PRUNE2: variants seen among roughly 807,000 people sequenced by gnomAD.
PRUNE2 encodes prune homolog 2 with BCH domain, also known as protein prune homolog 2.
A neutral mutation model predicts 252.0 loss-of-function variants in PRUNE2; 164 were observed. The observed-to-expected ratio is 0.65, with a 90% CI of 0.57 to 0.74. PRUNE2 has a LOEUF of 0.74. Among genes scored for constraint, PRUNE2 ranks in the 30% least tolerant of loss-of-function variants. The probability of loss-of-function intolerance (pLI) is 0.00; values close to 1 mark genes in which losing one functional copy is unlikely to be tolerated. For missense variants in PRUNE2, 3,495 were observed against 3,711.0 expected (o/e 0.94, Z 1.51); for synonymous variants, 1,292 against 1,350.2 (o/e 0.96, Z 0.94).
chr9:76,881,196 G>C (rs1334912605), intron 1 of PRUNE2, among the ~76,000 whole-genome samples: 1 of 152,106 alleles, frequency 6.6e-6, no homozygotes. Context: ...TCGAACTCCT[G>C]ACCTCGTGAT....
intron 12 of PRUNE2, among the ~76,000 whole-genome samples, chr9:76,638,939 A>G (rs1190031985): frequency 1.3e-5 from 2 of 152,124 alleles, no homozygotes; most frequent in African/African-American, 4.8e-5. Flanking sequence ...GTTCTGTCCA[A>G]TATTTTACTA....
chr9:76,787,874 T>A (rs1051493346), intron 6 of PRUNE2, among the ~76,000 whole-genome samples: 9 of 152,188 alleles, frequency 5.9e-5, no homozygotes, highest in African/African-American at 2.2e-4. Context: ...TCCTCCCGAC[T>A]TCCTCTCCTG....
chr9:76,899,237 C>T (rs1380135389), intron 1 of PRUNE2, among the ~76,000 whole-genome samples: 1 of 152,226 alleles, frequency 6.6e-6, no homozygotes, highest in Non-Finnish European at 1.5e-5. Context: ...CTACCCAATG[C>T]AGTTTTGCAG....
intron 9 of PRUNE2, among the ~76,000 whole-genome samples, chr9:76,700,601 A>G (rs1271996254): frequency 2.0e-5 from 3 of 152,206 alleles, no homozygotes; most frequent in Non-Finnish European, 4.4e-5. Context: ...CTGTCATTAA[A>G]ACATTTTTTA....
At chr9:76,891,378 C>T (rs1482959595) in intron 1 of PRUNE2, among the ~76,000 whole-genome samples, 1 of 152,242 alleles carries the variant, frequency 6.6e-6, no homozygotes. Context: ...TGTCCCATTA[C>T]AGGCATGTCA....
chr9:76,773,713 G>A (rs1281793612), intron 6 of PRUNE2, among the ~76,000 whole-genome samples: 1 of 152,204 alleles, frequency 6.6e-6, no homozygotes, highest in East Asian at 1.9e-4. Context: ...CAAAGTGCTG[G>A]GATTACAGGC....
At chr9:76,895,183 A>T (rs1218895373) in intron 1 of PRUNE2, among the ~76,000 whole-genome samples, 2 of 152,188 alleles carry the variant, frequency 1.3e-5, no homozygotes, top group Non-Finnish European at 2.9e-5. Context: ...TTGCAAGGCC[A>T]TCAGCAGTCT....
chr9:76,800,673 T>C (rs1383443138), intron 6 of PRUNE2, among the ~76,000 whole-genome samples: 1 of 152,138 alleles, frequency 6.6e-6, no homozygotes, highest in East Asian at 1.9e-4. Flanking sequence ...AAGGAAGACA[T>C]TGCGCCCTAC....
chr9:76,780,190 T>C (rs999202657), intron 6 of PRUNE2, among the ~76,000 whole-genome samples: 9 of 152,214 alleles, frequency 5.9e-5, no homozygotes, highest in Admixed American at 2.0e-4. Flanking sequence ...TGGTTAGCGA[T>C]AGCTACATGA....
Position 76,706,548 on chromosome 9 carries a change from T to C in PRUNE2, c.5726A>G (p.Asn1909Ser). Residue 1909 changes from asparagine to serine, a missense_variant, in exon 8 of 19, where the codon AAC (asparagine) becomes AGC (serine). By Grantham distance (46) the Asn-to-Ser change is conservative (BLOSUM62 1). Transcript: ENST00000376718. ...NGKNSHEQLW[N>S]IQPRQPDPDA... Reference sequence around the variant, plus strand: ...TGGGTCTGGCTGCCTTGGTTGAATGTTCCAGAGTTGCTCATGGGAGTTCTT... The same window carrying C: ...TGGGTCTGGCTGCCTTGGTTGAATGCTCCAGAGTTGCTCATGGGAGTTCTT... 1 of 1,614,016 alleles carries C rather than the reference T, an allele frequency of 6.2e-7. No homozygotes were observed. The highest frequency in any genetic ancestry group is 1.1e-5 in the South Asian group (1 of 91,074).
At chr9:76,802,679 T>A (rs1259756302) in intron 6 of PRUNE2, among the ~76,000 whole-genome samples, 4 of 152,218 alleles carry the variant, frequency 2.6e-5, no homozygotes, top group Admixed American at 1.3e-4. Context: ...AAACAATGGA[T>A]GAGTATCAAA....
At chr9:76,797,369 G>A (rs1222297603) in intron 6 of PRUNE2, among the ~76,000 whole-genome samples, 1 of 151,958 alleles carries the variant, frequency 6.6e-6, no homozygotes, top group African/African-American at 2.4e-5. Flanking sequence ...AGTCAAGGGT[G>A]AGTTCAGCTG....
At chr9:76,839,964 C>A (rs533303911) in intron 4 of PRUNE2, among the ~76,000 whole-genome samples, 2 of 152,248 alleles carry the variant, frequency 1.3e-5, no homozygotes, top group East Asian at 3.9e-4. Context: ...TTTGGAGGTA[C>A]AAGAAACTAA....
At chr9:76,662,705 C>A (rs1192804970) in intron 9 of PRUNE2, among the ~76,000 whole-genome samples, 1 of 152,162 alleles carries the variant, frequency 6.6e-6, no homozygotes, top group Non-Finnish European at 1.5e-5. Context: ...ACAAGATTGG[C>A]CACTGAAATA....
intron 9 of PRUNE2, among the ~76,000 whole-genome samples, chr9:76,663,000 G>A (rs2039410416): frequency 6.6e-6 from 1 of 152,146 alleles, no homozygotes; most frequent in African/African-American, 2.4e-5. Flanking sequence ...ATATCAATTA[G>A]CCTATGGGCT....
chr9:76,866,949 C>T (rs1204578752), intron 1 of PRUNE2, among the ~76,000 whole-genome samples: 4 of 152,112 alleles, frequency 2.6e-5, no homozygotes, highest in African/African-American at 4.8e-5. Context: ...TTCTTGACAA[C>T]GGGTCATGTC....
intron 6 of PRUNE2, among the ~76,000 whole-genome samples, chr9:76,726,384 C>A (rs137880752): frequency 3.3e-5 from 5 of 152,164 alleles, no homozygotes; most frequent in African/African-American, 1.2e-4. Context: ...AGGTGTAACA[C>A]GCATACACAG....
intron 6 of PRUNE2, chr9:76,758,395 C>G (rs2051358456): frequency 6.6e-6 from 1 of 152,134 alleles, no homozygotes; most frequent in Admixed American, 6.5e-5. Flanking sequence ...GAGGGGTTTC[C>G]TTGCTTAGTG....
intron 17 of PRUNE2, among the ~76,000 whole-genome samples, 177 bp downstream of exon 17, chr9:76,624,274 GA>G (rs1241301813): frequency 1.3e-5 from 2 of 152,154 alleles, no homozygotes; most frequent in African/African-American, 4.8e-5. Context: ...AGATCATGGG[GA>G]AAAATAGATT....
Sources: allele counts gnomAD v4.1 joint callset (sites outside exome capture counted in the v4.1 genomes callset), GRCh38; gene constraint gnomAD v4.1.1; transcripts MANE v1.5; gene names NCBI Gene and HGNC (gene_info 2026-07-23, HGNC 2026-07-21).